FRMD5: variants seen among roughly 807,000 people sequenced by gnomAD.
The protein encoded by FRMD5 is FERM domain containing 5.
FRMD5 carries 20 observed loss-of-function variants against 69.0 expected under a neutral mutation model. The ratio of observed to expected loss-of-function variants is 0.29; its 90% confidence interval spans 0.20 to 0.42. FRMD5 has a LOEUF of 0.42. Among genes scored for constraint, FRMD5 ranks in the 10% least tolerant of loss-of-function variants. The pLI is 1.00. For missense variants in FRMD5, 595 were observed against 708.6 expected, an observed-to-expected ratio of 0.84 and a Z score of 1.82; for synonymous variants, 271 against 260.1, an observed-to-expected ratio of 1.04 and a Z score of -0.40.
At chr15:44,116,226 T>TAGAGAGAG in intron 1 of FRMD5, among the ~76,000 whole-genome samples, 1 of 148,288 alleles carries the variant, frequency 6.7e-6, no homozygotes, top group African/African-American at 2.5e-5. Context: ...TATATATATA[T>TAGAGAGAG]AGAGAGAGAG....
chr15:44,108,290 G>A (rs535819951), intron 1 of FRMD5, among the ~76,000 whole-genome samples: 1 of 152,054 alleles, frequency 6.6e-6, no homozygotes, highest in Non-Finnish European at 1.5e-5. Flanking sequence ...AGGATCAGAG[G>A]ATCACCTGAG....
chr15:44,098,600 T>A (rs2076591241), intron 1 of FRMD5, among the ~76,000 whole-genome samples: 2 of 151,022 alleles, frequency 1.3e-5, no homozygotes, highest in South Asian at 4.2e-4. Context: ...GAGCCTTGAG[T>A]CTTTCTTTAT....
intron 1 of FRMD5, among the ~76,000 whole-genome samples, chr15:44,094,763 A>G (rs1481673566): frequency 6.6e-6 from 1 of 152,142 alleles, no homozygotes; most frequent in African/African-American, 2.4e-5. Context: ...AATATTCTGA[A>G]AGACACTTTG....
intron 1 of FRMD5, among the ~76,000 whole-genome samples, chr15:44,083,549 AT>A (rs1289746349): frequency 1.3e-5 from 2 of 151,730 alleles, no homozygotes; most frequent in Non-Finnish European, 2.9e-5. Flanking sequence ...TGAACCCAGG[AT>A]TTTTTCCCCC....
chr15:43,886,002 C>T (rs778514457), intron 10 of FRMD5, among the ~76,000 whole-genome samples: 1 of 152,136 alleles, frequency 6.6e-6, no homozygotes, highest in Non-Finnish European at 1.5e-5. Context: ...TGAAGGCTCC[C>T]CCAAAATGCT....
At chr15:44,141,800 A>T (rs2077277724) in intron 1 of FRMD5, among the ~76,000 whole-genome samples, 1 of 152,144 alleles carries the variant, frequency 6.6e-6, no homozygotes, top group African/African-American at 2.4e-5. Flanking sequence ...CCTACCTCAG[A>T]CCACACCAGC....
intron 8 of FRMD5, among the ~76,000 whole-genome samples, chr15:43,889,716 G>C (rs1255721120): frequency 6.6e-6 from 1 of 152,156 alleles, no homozygotes; most frequent in African/African-American, 2.4e-5. Flanking sequence ...TGAGAGCCAT[G>C]GAACTAGGCC....
chr15:44,095,628 G>T (rs1445057936), intron 1 of FRMD5, among the ~76,000 whole-genome samples: 2 of 152,090 alleles, frequency 1.3e-5, no homozygotes, highest in Non-Finnish European at 2.9e-5. Context: ...CTTCTTTCTT[G>T]CATTTTCTTA....
intron 1 of FRMD5, among the ~76,000 whole-genome samples, chr15:44,007,508 T>G (rs955565713): frequency 4.6e-5 from 7 of 152,192 alleles, no homozygotes; most frequent in African/African-American, 1.7e-4. Context: ...TCAAGTTCTC[T>G]GTCTGCTGAT....
intron 1 of FRMD5, among the ~76,000 whole-genome samples, chr15:44,143,510 G>C (rs1002030884): frequency 6.6e-6 from 1 of 151,654 alleles, no homozygotes; most frequent in South Asian, 2.1e-4. Flanking sequence ...TGCTACTTAA[G>C]GCATCTTTCC....
chr15:44,139,724 C>A (rs1371242707), intron 1 of FRMD5, among the ~76,000 whole-genome samples: 16 of 40,456 alleles, frequency 4.0e-4, no homozygotes, highest in East Asian at 3.7e-3. Flanking sequence ...GACCCAGTCT[C>A]TACAAAAAAA....
In FRMD5 at chr15:44,085,676, T is replaced by C. The variant is rs111252668; in HGVS notation, c.102+109277A>G. Among the ~76,000 whole-genome samples, 1,127 of 152,276 alleles carry C rather than the reference T, an allele frequency of 7.4e-3. 21 individuals are homozygous for C. The highest frequency in any genetic ancestry group is 0.026 in the African/African-American group (1,080 of 41,558). On this transcript the variant is annotated intron_variant, in intron 1 of 13. Coordinates refer to ENST00000417257, the MANE Select transcript of FRMD5 (RefSeq NM_032892.5). ...AAAATATAAAATAGGGAAGCAATGG[T>C]TAATTTTGCATTTTAGAAAAATTAC...
chr15:43,928,714 G>A (rs1025174758), intron 1 of FRMD5, among the ~76,000 whole-genome samples: 3 of 152,266 alleles, frequency 2.0e-5, no homozygotes, highest in Admixed American at 6.5e-5. Context: ...TGGCAAAGCC[G>A]TCTTCCCTTC....
At chr15:44,047,858 G>T (rs573056470) in intron 1 of FRMD5, among the ~76,000 whole-genome samples, 7 of 152,116 alleles carry the variant, frequency 4.6e-5, no homozygotes, top group Non-Finnish European at 1.0e-4. Context: ...ACTTTTTCAA[G>T]CTTCATCTAT....
chr15:44,029,854 A>G (rs982546844), intron 1 of FRMD5, among the ~76,000 whole-genome samples: 1 of 152,248 alleles, frequency 6.6e-6, no homozygotes, highest in African/African-American at 2.4e-5. Context: ...GCATGGCCAC[A>G]GCATTCTGCA....
intron 1 of FRMD5, among the ~76,000 whole-genome samples, chr15:44,061,953 C>G (rs887175149): frequency 6.6e-6 from 1 of 152,192 alleles, no homozygotes; most frequent in African/African-American, 2.4e-5. Flanking sequence ...ACAGTTCATT[C>G]TTCCTGACCA....
At chr15:44,068,619 T>C (rs754998391) in intron 1 of FRMD5, among the ~76,000 whole-genome samples, 1 of 152,164 alleles carries the variant, frequency 6.6e-6, no homozygotes, top group Non-Finnish European at 1.5e-5. Context: ...GCAGAGTGAC[T>C]GCTAATGGGT....
intron 1 of FRMD5, among the ~76,000 whole-genome samples, chr15:44,071,820 G>A (rs1036732496): frequency 5.9e-5 from 9 of 152,024 alleles, no homozygotes; most frequent in African/African-American, 2.2e-4. Flanking sequence ...TTTTAAAATC[G>A]TTTAATATTC....
intron 1 of FRMD5, among the ~76,000 whole-genome samples, chr15:44,173,258 G>T (rs1318758815): frequency 6.6e-6 from 1 of 152,134 alleles, no homozygotes; most frequent in Admixed American, 6.5e-5. Flanking sequence ...CCTACATGCA[G>T]CTTATAGGTT....
Sources: allele counts gnomAD v4.1 joint callset (sites outside exome capture counted in the v4.1 genomes callset), GRCh38; gene constraint gnomAD v4.1.1; transcripts MANE v1.5; gene names NCBI Gene and HGNC (gene_info 2026-07-23, HGNC 2026-07-21).